The following ZIM2 variants were observed in gnomAD, a reference collection of about 807,000 sequenced individuals.
The protein encoded by ZIM2 is zinc finger protein 656.
A neutral mutation model predicts 38.6 loss-of-function variants in ZIM2; 14 were observed. That is an observed-to-expected ratio of 0.36 (90% confidence interval 0.24 to 0.57). ZIM2 has a LOEUF of 0.57. Among genes scored for constraint, ZIM2 ranks in the 20% least tolerant of loss-of-function variants. The pLI is 0.81. For synonymous variants in ZIM2, 247 were observed against 245.8 expected (o/e 1.00, Z -0.04); for missense variants, 680 against 695.1 (o/e 0.98, Z 0.24).
chr19:56,835,774 T>C (rs1166918865), intron 2 of ZIM2, among the ~76,000 whole-genome samples: 1 of 151,922 alleles, frequency 6.6e-6, no homozygotes, highest in Non-Finnish European at 1.5e-5. Context: ...AGAAAAAGAG[T>C]AGCCCTGAAG....
intron 2 of ZIM2, among the ~76,000 whole-genome samples, chr19:56,827,766 A>C (rs906351728): frequency 6.6e-6 from 1 of 152,246 alleles, no homozygotes; most frequent in Non-Finnish European, 1.5e-5. Flanking sequence ...AGGCAACTCT[A>C]AATAAATGAG....
At chr19:56,789,043 T>C (rs979198935) in intron 10 of ZIM2, among the ~76,000 whole-genome samples, 6 of 152,024 alleles carry the variant, frequency 3.9e-5, no homozygotes, top group African/African-American at 1.2e-4. Flanking sequence ...TAGTTAGCAA[T>C]TCCTCTAACC....
At position 56,814,260 on chromosome 19, in the gene ZIM2, A is replaced by C; in HGVS notation, c.490+3486T>G. 1 of 1,613,802 alleles carries C rather than the reference A, an allele frequency of 6.2e-7. No homozygotes were observed. Among genetic ancestry groups the C allele is most frequent in the Non-Finnish European group, 8.5e-7 (1 of 1,180,040 alleles). The stretch of plus-strand genomic sequence containing the variant: ...CGGCAGCCTCCACTTCTGGCTCAGC[A>C]GCCTCTACGTTTAAGCCCTGAATCC... On this transcript the variant is annotated intron_variant, in intron 9 of 12. Coordinates refer to ENST00000629319, the MANE Select transcript of ZIM2 (RefSeq NM_001387356.1). This position sits in a 1 kb window ranked among gnomAD's most constrained non-coding sequence, Gnocchi z 5.8.
At chr19:56,800,691 T>C (rs977295469) in intron 9 of ZIM2, among the ~76,000 whole-genome samples, 11 of 152,188 alleles carry the variant, frequency 7.2e-5, no homozygotes, top group Middle Eastern at 3.4e-3. Flanking sequence ...AAGGATTTCA[T>C]GTGGTAAAGT....
Position 56,821,680 on chromosome 19 carries a change from C to A in ZIM2, c.265G>T (p.Asp89Tyr), listed in dbSNP as rs193294015. ...GATCGGGACTCATAAGCCCTGGAGTCCCTGTCGTCCTCTCTGTCCATTTCA... is the reference window on the plus strand; with the variant it reads ...GATCGGGACTCATAAGCCCTGGAGTACCTGTCGTCCTCTCTGTCCATTTCA... Reference protein sequence around the residue: ...SFEMDREDDRDSRAYESRSQD... With the variant: ...SFEMDREDDRYSRAYESRSQD... Residue 89 changes from aspartate to tyrosine, a missense_variant, in exon 7 of 13, where the codon GAC (aspartate) becomes TAC (tyrosine). Coordinates refer to ENST00000629319, the MANE Select transcript of ZIM2 (RefSeq NM_001387356.1). 1.2e-6 allele frequency: 2 copies of A among 1,613,880 alleles called. No homozygotes were observed. The highest frequency in any genetic ancestry group is 1.7e-6 in the Non-Finnish European group (2 of 1,180,016).
At chr19:56,832,863 T>C (rs1479467083) in intron 2 of ZIM2, among the ~76,000 whole-genome samples, 1 of 152,258 alleles carries the variant, frequency 6.6e-6, no homozygotes, top group African/African-American at 2.4e-5. Flanking sequence ...AGCATTGCCA[T>C]TGAAGTCTGG....
intron 3 of ZIM2, chr19:56,825,066 C>T (rs1444412527): frequency 1.2e-5 from 2 of 166,756 alleles, no homozygotes; most frequent in Non-Finnish European, 2.6e-5. Flanking sequence ...AATTGTGAAG[C>T]TTAAATAAAC....
Position 56,814,616 on chromosome 19 carries a change from G to T in ZIM2, c.490+3130C>A. 2 of 1,614,100 alleles carry T rather than the reference G, an allele frequency of 1.2e-6. No individual in the cohort carries two copies. Among genetic ancestry groups the T allele is most frequent in the Non-Finnish European group, 1.7e-6 (2 of 1,180,006 alleles). On this transcript the variant is annotated intron_variant, in intron 9 of 12. Transcript: ENST00000629319. The surrounding 1 kb of genome is among the most constrained non-coding windows in gnomAD (Gnocchi z 5.8). ...CATTCAAAGAGTCTCTCTTCGGTCT[G>T]ACTTCTCTGAAACTCAGTGAGGGCT...
At chr19:56,802,387 C>T (rs759449434) in intron 9 of ZIM2, among the ~76,000 whole-genome samples, 10 of 152,056 alleles carry the variant, frequency 6.6e-5, no homozygotes, top group Non-Finnish European at 8.8e-5. Context: ...CTAGATCAAA[C>T]GAGATGCACT....
intron 10 of ZIM2, among the ~76,000 whole-genome samples, chr19:56,788,415 G>C (rs2046745001): frequency 6.6e-6 from 1 of 152,122 alleles, no homozygotes; most frequent in Non-Finnish European, 1.5e-5. Flanking sequence ...GTGCGGTTTT[G>C]AGTGAGTTTC....
chr19:56,828,266 C>A (rs2061251815), intron 2 of ZIM2, among the ~76,000 whole-genome samples: 1 of 152,060 alleles, frequency 6.6e-6, no homozygotes, highest in Admixed American at 6.5e-5. Flanking sequence ...TTTAGAAAAC[C>A]CTAAAGAATC....
chr19:56,809,029 C>T (rs977598018), intron 9 of ZIM2, among the ~76,000 whole-genome samples: 1 of 152,194 alleles, frequency 6.6e-6, no homozygotes, highest in African/African-American at 2.4e-5. Context: ...TTAGTTACCC[C>T]TTCAACTGGG....
intron 9 of ZIM2, among the ~76,000 whole-genome samples, chr19:56,804,176 G>A (rs1482881986): frequency 6.6e-6 from 1 of 152,240 alleles, no homozygotes; most frequent in African/African-American, 2.4e-5. Context: ...TTCCAAGGTA[G>A]ATGTCCAGGG....
chr19:56,821,924 C>A (rs1324380990), intron 6 of ZIM2, among the ~76,000 whole-genome samples, 170 bp from the exon 7 acceptor site: 1 of 151,968 alleles, frequency 6.6e-6, no homozygotes, highest in East Asian at 1.9e-4. Flanking sequence ...AAACCAGTGG[C>A]CCTACAACAA....
intron 9 of ZIM2, chr19:56,816,010 T>C (rs368187047): frequency 6.3e-7 from 1 of 1,589,572 alleles, no homozygotes; most frequent in South Asian, 1.2e-5. Context: ...GTTGATAGCA[T>C]CGAAGCTCTG....
chr19:56,816,850 T>C (rs746782121), intron 9 of ZIM2: 2 of 1,614,190 alleles, frequency 1.2e-6, no homozygotes, highest in South Asian at 1.1e-5. Flanking sequence ...TTCCACAAGA[T>C]AACCTCTAGC....
intron 5 of ZIM2, among the ~76,000 whole-genome samples, chr19:56,823,310 GAGGCTGGGGGTAC>G (rs2060682143): frequency 6.6e-6 from 1 of 152,240 alleles, no homozygotes; most frequent in South Asian, 2.1e-4. Context: ...CCTTCCTGAG[GAGGCTGGGGGTAC>G]AGCTGGAAGC....
At position 56,815,791 on chromosome 19, in the gene ZIM2, C is replaced by T. The variant is rs746345808; in HGVS notation, c.490+1955G>A. 4.3e-6 allele frequency: 7 copies of T among 1,613,464 alleles called. No homozygotes were observed. In the African/African-American group the frequency reaches 9.3e-5, roughly 22 times the overall value. ...TTCATAGTTGCGATTCTTACTGCCC[C>T]CTTCACAAGGGTTCTCTCTGGCAGG... On this transcript the variant is annotated intron_variant, in intron 9 of 12. Transcript: ENST00000629319.
At chr19:56,790,076 A>AT in intron 9 of ZIM2, 125 bp from the exon 10 acceptor site, 1 of 632,010 alleles carries the variant, frequency 1.6e-6, no homozygotes, top group Non-Finnish European at 2.4e-6. Context: ...TAGAGTTCCT[A>AT]TGGTGAGAAA....
Sources: gnomAD v4.1 joint callset for allele counts (sites outside exome capture counted in the v4.1 genomes callset) on GRCh38, gnomAD v4.1.1 for gene constraint, Gnocchi (gnomAD v3.1) non-coding constraint, MANE v1.5 for transcripts, NCBI Gene and HGNC (gene_info 2026-07-23, HGNC 2026-07-21) for gene names.